Variants in CSMD1 observed in about 807,000 individuals in gnomAD.
CSMD1 encodes CUB and sushi domain-containing protein 1.
In CSMD1, 213 loss-of-function variants were observed where a neutral mutation model predicts 417.5. That is an observed-to-expected ratio of 0.51 (90% CI 0.46 to 0.57). The LOEUF (loss-of-function observed/expected upper bound fraction) is 0.57. CSMD1 is among the 20% of genes least tolerant of loss of function. The probability of loss-of-function intolerance (pLI) is 0.00; values close to 1 mark genes in which losing one functional copy is unlikely to be tolerated. For missense variants in CSMD1, 6,923 were observed against 4,529.7 expected (o/e 1.53, Z -15.17); for synonymous variants, 2,862 against 1,736.8 (o/e 1.65, Z -16.11).
At chr8:3,047,137 G>T (rs192351047) in intron 50 of CSMD1, among the ~76,000 whole-genome samples, 2 of 150,280 alleles carry the variant, frequency 1.3e-5, no homozygotes, top group East Asian at 4.0e-4. Context: ...GAACCCAGGA[G>T]GGGGAGGTTG....
intron 3 of CSMD1, among the ~76,000 whole-genome samples, chr8:4,109,140 A>G (rs1423584467): frequency 6.6e-6 from 1 of 152,146 alleles, no homozygotes; most frequent in Non-Finnish European, 1.5e-5. Context: ...ACCTAATACA[A>G]TGTAAATGCT....
chr8:3,365,889 A>G (rs1809532404), intron 20 of CSMD1, among the ~76,000 whole-genome samples: 1 of 152,232 alleles, frequency 6.6e-6, no homozygotes, highest in African/African-American at 2.4e-5. Context: ...CTCATCTTAC[A>G]GTAACATACA....
chr8:4,017,697 T>G (rs1013509631), intron 4 of CSMD1, among the ~76,000 whole-genome samples: 1 of 152,182 alleles, frequency 6.6e-6, no homozygotes, highest in African/African-American at 2.4e-5. Context: ...AAAAACTGCA[T>G]GGTCACAGGA....
intron 3 of CSMD1, among the ~76,000 whole-genome samples, chr8:4,131,596 G>A (rs994124059): frequency 3.9e-5 from 6 of 151,934 alleles, no homozygotes; most frequent in African/African-American, 1.5e-4. Context: ...AGTCCCTAAT[G>A]CTTAGTTTTA....
rs545212684 is a variant in CSMD1, at chr8:3,520,039, T to TATATACAC, written c.1345-26314_1345-26313insGTGTATAT. ...ATATACCTATATATATATATATATA[T>TATATACAC]ACACGTATAGTTGTGAAACTTGCTC... On this transcript the variant is annotated intron_variant, in intron 10 of 69. Coordinates refer to ENST00000635120, the MANE Select transcript of CSMD1 (RefSeq NM_033225.6). 9.8e-3 allele frequency among the ~76,000 whole-genome samples: 1,449 copies of TATATACAC among 147,164 alleles called. 45 individuals carry two copies. The highest frequency in any genetic ancestry group is 0.035 in the African/African-American group (1,371 of 38,722).
At chr8:4,757,875 C>T (rs1204606834) in intron 1 of CSMD1, among the ~76,000 whole-genome samples, 2 of 148,026 alleles carry the variant, frequency 1.4e-5, no homozygotes, top group African/African-American at 2.5e-5. Flanking sequence ...AGAAGAATCG[C>T]TTGAACCTGG....
intron 1 of CSMD1, among the ~76,000 whole-genome samples, chr8:4,932,350 A>C (rs994858258): frequency 1.9e-4 from 28 of 147,476 alleles, no homozygotes; most frequent in African/African-American, 6.2e-4. Context: ...AAAAAAAAAA[A>C]CACTCAAAGT....
At chr8:3,330,013 G>A (rs933765524) in intron 23 of CSMD1, among the ~76,000 whole-genome samples, 6 of 152,190 alleles carry the variant, frequency 3.9e-5, no homozygotes, top group African/African-American at 1.4e-4. Flanking sequence ...TTGATGTTTT[G>A]TGTGGAGGAA....
intron 3 of CSMD1, among the ~76,000 whole-genome samples, chr8:4,385,565 G>A (rs150813116): frequency 6.6e-6 from 1 of 152,136 alleles, no homozygotes; most frequent in African/African-American, 2.4e-5. Context: ...CATTACTACA[G>A]TGTATTGTTT....
intron 1 of CSMD1, among the ~76,000 whole-genome samples, chr8:4,859,116 T>C (rs1311960823): frequency 6.6e-6 from 1 of 151,994 alleles, no homozygotes; most frequent in African/African-American, 2.4e-5. Flanking sequence ...ATGTCACATA[T>C]CTGCAACTAT....
intron 5 of CSMD1, among the ~76,000 whole-genome samples, chr8:3,863,253 T>C (rs903254648): frequency 3.3e-5 from 5 of 151,930 alleles, no homozygotes; most frequent in African/African-American, 1.2e-4. Flanking sequence ...AAAAACTGGC[T>C]AGGTCTGGTG....
chr8:3,522,758 T>C (rs1797560638), intron 10 of CSMD1, among the ~76,000 whole-genome samples: 1 of 152,116 alleles, frequency 6.6e-6, no homozygotes, highest in East Asian at 1.9e-4. Context: ...TACAAAGTGC[T>C]CTACCACAAT....
intron 10 of CSMD1, chr8:3,515,345 C>G (rs142873961): frequency 1.3e-5 from 2 of 152,188 alleles, no homozygotes; most frequent in Non-Finnish European, 2.9e-5. Context: ...CACACAGCTA[C>G]AGATCACCAC....
chr8:4,013,568 TACAA>T (rs539264190), intron 4 of CSMD1, among the ~76,000 whole-genome samples: 64 of 152,300 alleles, frequency 4.2e-4, no homozygotes, highest in African/African-American at 1.4e-3. Context: ...TGAGAACACT[TACAA>T]ACACTTATTT....
chr8:3,861,700 T>C (rs1563154258), intron 5 of CSMD1, among the ~76,000 whole-genome samples: 1 of 152,226 alleles, frequency 6.6e-6, no homozygotes, highest in Admixed American at 6.5e-5. Context: ...TTGTTTGGTT[T>C]GGTTTTTATT....
intron 54 of CSMD1, among the ~76,000 whole-genome samples, chr8:2,983,311 C>T (rs1342957679): frequency 2.0e-5 from 3 of 152,018 alleles, no homozygotes; most frequent in Non-Finnish European, 4.4e-5. Context: ...CTCAGCCTCC[C>T]GAGTAGCTGG....
intron 12 of CSMD1, among the ~76,000 whole-genome samples, chr8:3,438,982 G>C (rs1021765091): frequency 1.3e-5 from 2 of 150,904 alleles, no homozygotes; most frequent in Non-Finnish European, 3.0e-5. Flanking sequence ...GGGCATGGTA[G>C]TGGGCACCTG....
In CSMD1 at chr8:3,029,380, C is replaced by G. The variant is rs767792423; in HGVS notation, c.7794G>C (p.Arg2598Ser). The change falls in exon 51 of 70, where the codon AGG (arginine) becomes AGC (serine). Residue 2598 changes from arginine to serine, a missense_variant. Transcript: ENST00000635120. ...CSPGYYLEGW[R>S]LLRCQANGTW... ...TCCCATTGGCCTGGCACCGCAGGAG[C>G]CTCCAGCCTTCTAAGTAGTAACCAG... 4 of 1,611,618 alleles carry G rather than the reference C, an allele frequency of 2.5e-6. No homozygotes were observed. The highest frequency in any genetic ancestry group is 1.6e-4 in the Middle Eastern group (1 of 6,078).
Position 3,189,002 on chromosome 8 carries a change from C to T in CSMD1, c.5408G>A (p.Ser1803Asn), listed in dbSNP as rs762757136. ...ACCTCTTCGTTGAGTGAAATTGCCA[C>T]TGCAGGGTACTAAAAGACACAACCA... The part of the protein sequence containing the change: ...DTIPSCVVPC[S>N]GNFTQRRGTI... Residue 1803 changes from serine to asparagine, a missense_variant, in exon 35 of 70, where the codon AGT becomes AAT. By Grantham distance (46) the Ser-to-Asn change is conservative (BLOSUM62 1). Coordinates refer to ENST00000635120, the MANE Select transcript of CSMD1 (RefSeq NM_033225.6). 2.5e-6 allele frequency: 4 copies of T among 1,612,678 alleles called. No homozygotes were observed. In the African/African-American group the frequency reaches 5.3e-5, roughly 21 times the overall value.
Sources: allele counts gnomAD v4.1 joint callset (sites outside exome capture counted in the v4.1 genomes callset), GRCh38; gene constraint gnomAD v4.1.1; transcripts MANE v1.5; gene names NCBI Gene and HGNC (gene_info 2026-07-23, HGNC 2026-07-21).